The following ARPC2 variants were observed in gnomAD, a reference collection of about 807,000 sequenced individuals.
ARPC2 encodes actin related protein 2/3 complex subunit 2, also known as actin-related protein 2/3 complex subunit 2.
A neutral mutation model predicts 38.6 loss-of-function variants in ARPC2; 4 were observed. That is an observed-to-expected ratio of 0.10 (90% CI 0.05 to 0.24). ARPC2 has a LOEUF of 0.24. ARPC2 is among the 10% of genes least tolerant of loss of function. The pLI is 1.00. For synonymous variants in ARPC2, 125 were observed against 140.8 expected, an observed-to-expected ratio of 0.89 and a Z score of 0.79; for missense variants, 229 against 387.3, an observed-to-expected ratio of 0.59 and a Z score of 3.43.
chr2:218,236,069 G>A (rs1321308324), intron 5 of ARPC2: 3 of 144,930 alleles, frequency 2.1e-5, no homozygotes, highest in South Asian at 2.3e-4. Context: ...TAGCCTAGGC[G>A]ACAGAGCAAG....
intron 2 of ARPC2, among the ~76,000 whole-genome samples, chr2:218,219,581 C>T (rs568689074): frequency 1.3e-5 from 2 of 152,218 alleles, no homozygotes; most frequent in South Asian, 2.1e-4. Flanking sequence ...AACTCCTGGC[C>T]TCAAGTGACC....
chr2:218,226,879 G>A (rs376648897), intron 3 of ARPC2: 1 of 325,754 alleles, frequency 3.1e-6, no homozygotes, highest in South Asian at 2.2e-5. Flanking sequence ...AGTTTGCCTA[G>A]CACTAGAGTA....
At chr2:218,249,752 G>A (rs1237135973) in intron 9 of ARPC2, 69 bp from the exon 10 acceptor site, 4 of 1,457,986 alleles carry the variant, frequency 2.7e-6, no homozygotes, top group Non-Finnish European at 3.8e-6. Context: ...TGACCTCTCT[G>A]ATGAAAGACA....
chr2:218,239,894 AC>A (rs765806922), intron 7 of ARPC2, among the ~76,000 whole-genome samples: 123 of 144,660 alleles, frequency 8.5e-4, no homozygotes, highest in Non-Finnish European at 1.7e-3. Flanking sequence ...CCCAGCCTTG[AC>A]GTTAGAATTT....
intron 8 of ARPC2, among the ~76,000 whole-genome samples, chr2:218,246,538 A>C (rs973119251): frequency 6.6e-6 from 1 of 152,010 alleles, no homozygotes; most frequent in African/African-American, 2.4e-5. Context: ...TCAAAAAGAA[A>C]AAAGAAAAGA....
chr2:218,235,641 C>T (rs1244798644), intron 5 of ARPC2: 1 of 152,150 alleles, frequency 6.6e-6, no homozygotes, highest in Non-Finnish European at 1.5e-5. Flanking sequence ...AAAATCATGT[C>T]CAAAGTCTTG....
chr2:218,241,995 C>T (rs971902375), intron 7 of ARPC2, among the ~76,000 whole-genome samples: 8 of 152,232 alleles, frequency 5.3e-5, no homozygotes, highest in Non-Finnish European at 1.0e-4. Context: ...GAATGAGGGA[C>T]ACCTGGCACA....
At chr2:218,230,830 C>T (rs1057163420) in intron 4 of ARPC2, among the ~76,000 whole-genome samples, 4 of 151,696 alleles carry the variant, frequency 2.6e-5, no homozygotes, top group Non-Finnish European at 4.4e-5. Flanking sequence ...CCAGCCTGGA[C>T]GACATAGTGA....
At chr2:218,239,608 TTC>T in intron 7 of ARPC2, 124 bp downstream of exon 7, 2 of 723,270 alleles carry the variant, frequency 2.8e-6, no homozygotes, top group East Asian at 2.8e-5. Context: ...TTTTTTTTTT[TTC>T]GAGACGGAGT....
At chr2:218,232,185 GAGCCGAGA>G (rs1689649374) in intron 4 of ARPC2, among the ~76,000 whole-genome samples, 1 of 152,142 alleles carries the variant, frequency 6.6e-6, no homozygotes, top group Non-Finnish European at 1.5e-5. Flanking sequence ...AGGTTGCAAT[GAGCCGAGA>G]TCACGCCACT....
intron 3 of ARPC2, among the ~76,000 whole-genome samples, chr2:218,227,545 G>T (rs989666856): frequency 6.7e-6 from 1 of 150,332 alleles, no homozygotes; most frequent in African/African-American, 2.5e-5. Flanking sequence ...TCCTGCCTCC[G>T]CCTCTCAAGT....
intron 10 of ARPC2, among the ~76,000 whole-genome samples, chr2:218,252,036 C>G (rs1431570390): frequency 1.3e-5 from 2 of 152,048 alleles, no homozygotes; most frequent in Non-Finnish European, 2.9e-5. Flanking sequence ...CCAGCCTGAC[C>G]AACATGGAGA....
At position 218,217,504 on chromosome 2, in the gene ARPC2, G is replaced by A; in HGVS notation, c.34G>A (p.Glu12Lys). ...GCTGGAGGTGAACAACCGCATCATC[G>A]AGGAGACGCTCGCGCTCAAGTTCGA... ...ILLEVNNRIIEETLALKFENA... is the reference protein window; with the variant it reads ...ILLEVNNRIIKETLALKFENA... The change falls in exon 2 of 11, where the codon GAG (glutamate) becomes AAG (lysine). Residue 12 changes from glutamate to lysine, a missense_variant. Physicochemically the swap from Glu to Lys is moderately conservative, Grantham distance 56. Coordinates refer to ENST00000315717, the MANE Select transcript of ARPC2 (RefSeq NM_152862.3). 6.2e-7 allele frequency: 1 copy of A among 1,613,822 alleles called. No individual in the cohort carries two copies. Among genetic ancestry groups the A allele is most frequent in the Non-Finnish European group, 8.5e-7 (1 of 1,179,890 alleles).
intron 8 of ARPC2, among the ~76,000 whole-genome samples, chr2:218,246,387 G>A (rs1266576834): frequency 6.6e-6 from 1 of 151,980 alleles, no homozygotes; most frequent in Non-Finnish European, 1.5e-5. Context: ...GAAATTAGCT[G>A]GGCGTGGTGG....
At chr2:218,218,167 A>T (rs886323911) in intron 2 of ARPC2, among the ~76,000 whole-genome samples, 3 of 145,372 alleles carry the variant, frequency 2.1e-5, no homozygotes, top group African/African-American at 7.6e-5. Context: ...TTTAAAGCAA[A>T]GCCAATTGTC....
In ARPC2 at chr2:218,220,953, A is replaced by G. The variant is rs78060405; in HGVS notation, c.74+3409A>G. On this transcript the variant is annotated intron_variant, in intron 2 of 10. Coordinates refer to ENST00000315717, the MANE Select transcript of ARPC2 (RefSeq NM_152862.3). ...CTTAAAAGCTATGCCCAACACTGCA[A>G]ATAACCTCATGCACAGGTCTGATCA... Among the ~76,000 whole-genome samples the G allele has an allele frequency of 1.1e-3, 173 of 152,334 alleles. 3 individuals are homozygous for G. The East Asian group carries it at 0.031, about 27-fold the overall frequency.
intron 8 of ARPC2, among the ~76,000 whole-genome samples, chr2:218,246,849 T>C (rs1690047974): frequency 6.6e-6 from 1 of 151,930 alleles, no homozygotes. Context: ...CATGTGCCTA[T>C]AGTCTATAGT....
chr2:218,225,468 A>G (rs1160592982), intron 2 of ARPC2, among the ~76,000 whole-genome samples: 1 of 152,230 alleles, frequency 6.6e-6, no homozygotes, highest in Non-Finnish European at 1.5e-5. Flanking sequence ...CGTTTTGTTT[A>G]TGGCCCGAAA....
intron 7 of ARPC2, among the ~76,000 whole-genome samples, chr2:218,243,034 C>T (rs549119900): frequency 6.2e-4 from 95 of 152,220 alleles, no homozygotes; most frequent in East Asian, 3.1e-3. Context: ...CTTCCCTACT[C>T]GAAGGTTATA....
Sources: allele counts gnomAD v4.1 joint callset (sites outside exome capture counted in the v4.1 genomes callset), GRCh38; gene constraint gnomAD v4.1.1; transcripts MANE v1.5; gene names NCBI Gene and HGNC (gene_info 2026-07-23, HGNC 2026-07-21).